The following NAV2 variants were observed in gnomAD, a reference collection of about 807,000 sequenced individuals.
NAV2 encodes neuron navigator 2.
A neutral mutation model predicts 223.2 loss-of-function variants in NAV2; 54 were observed. The observed-to-expected ratio is 0.24, with a 90% confidence interval of 0.19 to 0.30. NAV2 has a LOEUF of 0.30. Ranked by LOEUF, NAV2 falls within the 10% of genes least tolerant of loss-of-function variation. NAV2 has a pLI of 1.00. For missense variants in NAV2, 2,806 were observed against 3,147.5 expected, an observed-to-expected ratio of 0.89 and a Z score of 2.60; for synonymous variants, 1,279 against 1,239.3, an observed-to-expected ratio of 1.03 and a Z score of -0.67.
intron 1 of NAV2, among the ~76,000 whole-genome samples, chr11:19,551,656 A>G (rs949855237): frequency 1.3e-5 from 2 of 152,266 alleles, no homozygotes; most frequent in Non-Finnish European, 2.9e-5. Flanking sequence ...TTGTCAAAAC[A>G]GAATAAGAAA....
intron 1 of NAV2, among the ~76,000 whole-genome samples, chr11:19,549,473 C>G (rs918360759): frequency 4.6e-5 from 7 of 152,240 alleles, no homozygotes; most frequent in Admixed American, 3.3e-4. Context: ...AGGGTTCACC[C>G]GATGCAGAGA....
intron 1 of NAV2, among the ~76,000 whole-genome samples, chr11:19,678,310 A>G (rs1464042561): frequency 1.3e-5 from 2 of 152,216 alleles, no homozygotes; most frequent in African/African-American, 2.4e-5. Context: ...TGTACATGAG[A>G]AATGAAACGT....
chr11:19,412,075 C>T (rs865856650), intron 1 of NAV2, among the ~76,000 whole-genome samples: 15 of 152,180 alleles, frequency 9.9e-5, no homozygotes, highest in Middle Eastern at 3.4e-3. Flanking sequence ...AGAGACAGAA[C>T]CATTCACTCC....
chr11:19,860,897 G>A (rs1308369858), intron 3 of NAV2, among the ~76,000 whole-genome samples: 3 of 152,002 alleles, frequency 2.0e-5, no homozygotes, highest in African/African-American at 4.8e-5. Flanking sequence ...CAGGCGTGGC[G>A]GCGCGCGCCT....
At chr11:19,521,501 A>C (rs1007097364) in intron 1 of NAV2, among the ~76,000 whole-genome samples, 2 of 152,210 alleles carry the variant, frequency 1.3e-5, no homozygotes, top group African/African-American at 4.8e-5. Context: ...GCAATAAAGG[A>C]TCCAGTTATC....
chr11:19,526,212 ACT>A (rs2134376857), intron 1 of NAV2, among the ~76,000 whole-genome samples: 1 of 152,048 alleles, frequency 6.6e-6, no homozygotes, highest in South Asian at 2.1e-4. Context: ...ATCAAGCATA[ACT>A]CTTAGAATGA....
chr11:19,390,276 T>G (rs1849197135), intron 1 of NAV2, among the ~76,000 whole-genome samples: 2 of 152,114 alleles, frequency 1.3e-5, no homozygotes, highest in South Asian at 4.1e-4. Flanking sequence ...TGATGGATAG[T>G]CCTGGGCCCA....
At chr11:19,687,889 G>A (rs968550513) in intron 1 of NAV2, among the ~76,000 whole-genome samples, 3 of 152,160 alleles carry the variant, frequency 2.0e-5, no homozygotes, top group Non-Finnish European at 4.4e-5. Context: ...AGTTAGGACA[G>A]GTCTCATTGA....
intron 1 of NAV2, among the ~76,000 whole-genome samples, chr11:19,650,113 C>T (rs2047928797): frequency 6.6e-6 from 1 of 152,188 alleles, no homozygotes; most frequent in South Asian, 2.1e-4. Flanking sequence ...TAACCTCTGG[C>T]ACCTGTGAAT....
At chr11:19,915,130 A>G (rs778499658) in intron 6 of NAV2, among the ~76,000 whole-genome samples, 8 of 152,224 alleles carry the variant, frequency 5.3e-5, no homozygotes, top group Non-Finnish European at 8.8e-5. Context: ...TTGCTGCACT[A>G]ATCCAGTGCA....
At position 20,121,500 on chromosome 11, in the gene NAV2, A is replaced by T. The variant is rs2063469998; in HGVS notation, c.*3242A>T. ...CATGAGGTTTTTGGATTTGCCAATG[A>T]TCTGCTGGACATCATGCCCCATGTC... On this transcript the variant is annotated 3_prime_UTR_variant, in exon 38 of 38. Coordinates refer to ENST00000349880, the MANE Select transcript of NAV2 (RefSeq NM_145117.5). The T allele has an allele frequency of 6.6e-6, 1 of 152,276 alleles. No individual in the cohort carries two copies. The highest frequency in any genetic ancestry group is 2.4e-5 in the African/African-American group (1 of 41,290). The allele number at this position is 152,276 out of a possible 1,614,324, so 9.4% of individuals were successfully genotyped here. A position where few individuals can be genotyped will look rare whatever the true frequency, so the allele number is the denominator to read the frequency against.
chr11:19,449,749 C>T (rs1212167579), intron 1 of NAV2, among the ~76,000 whole-genome samples: 2 of 152,098 alleles, frequency 1.3e-5, no homozygotes, highest in Non-Finnish European at 2.9e-5. Context: ...CATGAGAGCA[C>T]CTTCTATGTC....
chr11:19,596,545 G>A (rs2046210682), intron 1 of NAV2, among the ~76,000 whole-genome samples: 1 of 152,186 alleles, frequency 6.6e-6, no homozygotes, highest in East Asian at 1.9e-4. Context: ...ACGGCTCTGT[G>A]CTCCAGGCCC....
At chr11:19,714,542 C>T (rs2050127432) in intron 1 of NAV2, 2 of 449,400 alleles carry the variant, frequency 4.5e-6, no homozygotes, top group African/African-American at 2.0e-5. Flanking sequence ...GCTGGGACTG[C>T]GGTACTAGTG....
At chr11:19,469,630 C>A (rs992334696) in intron 1 of NAV2, among the ~76,000 whole-genome samples, 1 of 152,260 alleles carries the variant, frequency 6.6e-6, no homozygotes, top group Non-Finnish European at 1.5e-5. Context: ...TGCAGGATCC[C>A]GGCAGCCTTT....
chr11:20,064,840 A>G (rs535126133), intron 20 of NAV2, among the ~76,000 whole-genome samples: 18 of 152,284 alleles, frequency 1.2e-4, no homozygotes, highest in African/African-American at 3.4e-4. Flanking sequence ...CGTTCTTCTC[A>G]CCATATGACT....
chr11:19,380,251 C>T (rs1018954443), intron 1 of NAV2, among the ~76,000 whole-genome samples: 1 of 152,210 alleles, frequency 6.6e-6, no homozygotes, highest in Non-Finnish European at 1.5e-5. Flanking sequence ...TGTTGATACC[C>T]ATCAAGCTTG....
intron 1 of NAV2, among the ~76,000 whole-genome samples, chr11:19,363,111 C>T (rs1404764275): frequency 1.3e-5 from 2 of 152,124 alleles, no homozygotes; most frequent in African/African-American, 4.8e-5. Flanking sequence ...AGGCATTTCT[C>T]CTAATGTTAT....
At chr11:19,385,701 C>T (rs1269248811) in intron 1 of NAV2, among the ~76,000 whole-genome samples, 5 of 149,222 alleles carry the variant, frequency 3.4e-5, no homozygotes, top group African/African-American at 1.2e-4. Context: ...TAATAATTAT[C>T]TCATTCTATC....
Sources: allele counts gnomAD v4.1 joint callset (sites outside exome capture counted in the v4.1 genomes callset), GRCh38; gene constraint gnomAD v4.1.1; transcripts MANE v1.5; gene names NCBI Gene and HGNC (gene_info 2026-07-23, HGNC 2026-07-21).